The following WDFY2 variants were observed in gnomAD, a reference collection of about 807,000 sequenced individuals.
The protein encoded by WDFY2 is WD repeat and FYVE domain-containing protein 2.
In WDFY2, 36 loss-of-function variants were observed where a neutral mutation model predicts 56.4. The observed-to-expected ratio is 0.64, with a 90% CI of 0.49 to 0.84. WDFY2 has a LOEUF of 0.84. Among genes scored for constraint, WDFY2 ranks in the 40% least tolerant of loss-of-function variants. The pLI, the probability that WDFY2 is intolerant of heterozygous loss-of-function variation, is 0.00. For synonymous variants in WDFY2, 176 were observed against 183.7 expected, an observed-to-expected ratio of 0.96 and a Z score of 0.34; for missense variants, 444 against 512.2, an observed-to-expected ratio of 0.87 and a Z score of 1.29.
intron 3 of WDFY2, among the ~76,000 whole-genome samples, chr13:51,688,957 C>T (rs936965148): frequency 1.3e-5 from 2 of 152,084 alleles, no homozygotes; most frequent in Non-Finnish European, 2.9e-5. Context: ...TGAAGGGTGG[C>T]GGGGACACAA....
intron 1 of WDFY2, chr13:51,588,952 T>G (rs1190396179): frequency 1.3e-5 from 2 of 152,170 alleles, no homozygotes; most frequent in African/African-American, 4.8e-5. Context: ...AGAAAGTTAC[T>G]GGGGAGGGCG....
intron 2 of WDFY2, among the ~76,000 whole-genome samples, chr13:51,663,859 A>G (rs530742200): frequency 2.0e-5 from 3 of 152,250 alleles, no homozygotes; most frequent in Admixed American, 6.5e-5. Flanking sequence ...ACCATATTTT[A>G]TGTTTATTCT....
chr13:51,626,545 G>A (rs1954838625), intron 1 of WDFY2, among the ~76,000 whole-genome samples: 1 of 152,030 alleles, frequency 6.6e-6, no homozygotes, highest in Admixed American at 6.5e-5. Flanking sequence ...TGATTAACAG[G>A]TATTTATAGT....
intron 2 of WDFY2, among the ~76,000 whole-genome samples, chr13:51,674,569 G>C (rs1955856268): frequency 6.6e-6 from 1 of 152,006 alleles, no homozygotes; most frequent in Admixed American, 6.6e-5. Flanking sequence ...TGATGAGTTG[G>C]TTCTTTTTTA....
At chr13:51,747,646 C>T (rs1461219393) in intron 7 of WDFY2, among the ~76,000 whole-genome samples, 5 of 152,238 alleles carry the variant, frequency 3.3e-5, no homozygotes, top group Non-Finnish European at 7.3e-5. Flanking sequence ...ATCCTCTGAT[C>T]TCAGCCTCCC....
intron 1 of WDFY2, among the ~76,000 whole-genome samples, chr13:51,652,265 T>A (rs909285181): frequency 3.0e-4 from 45 of 152,334 alleles, no homozygotes; most frequent in Admixed American, 9.1e-4. Context: ...TGGTAGATCT[T>A]CCTCCATCCC....
At chr13:51,741,671 G>A (rs1327096958) in intron 7 of WDFY2, among the ~76,000 whole-genome samples, 1 of 152,226 alleles carries the variant, frequency 6.6e-6, no homozygotes, top group Non-Finnish European at 1.5e-5. Context: ...AATATTTTGT[G>A]AAAGAGCTTT....
At chr13:51,752,378 A>C (rs1294886886) in intron 8 of WDFY2, among the ~76,000 whole-genome samples, 3 of 152,222 alleles carry the variant, frequency 2.0e-5, no homozygotes, top group Non-Finnish European at 4.4e-5. Context: ...TATATTTGGC[A>C]CCATTAATAC....
intron 3 of WDFY2, among the ~76,000 whole-genome samples, chr13:51,685,491 G>A (rs1214680927): frequency 1.3e-5 from 2 of 152,024 alleles, no homozygotes; most frequent in Non-Finnish European, 2.9e-5. Context: ...CACATACTTT[G>A]TATGTTATAT....
intron 1 of WDFY2, among the ~76,000 whole-genome samples, chr13:51,627,190 A>G (rs762636880): frequency 8.5e-5 from 13 of 152,152 alleles, no homozygotes; most frequent in African/African-American, 1.9e-4. Flanking sequence ...CAGAGCCCCA[A>G]AGAGAGTGTC....
intron 2 of WDFY2, among the ~76,000 whole-genome samples, chr13:51,674,705 C>T (rs1239821877): frequency 2.6e-5 from 4 of 152,118 alleles, no homozygotes; most frequent in African/African-American, 9.7e-5. Context: ...AAATAGACTT[C>T]TAGACTCCTG....
intron 3 of WDFY2, among the ~76,000 whole-genome samples, chr13:51,695,256 C>G (rs1253961100): frequency 3.3e-5 from 5 of 152,206 alleles, no homozygotes; most frequent in Non-Finnish European, 5.9e-5. Flanking sequence ...AGGAGAGGCG[C>G]TCTGCTTTTT....
rs187466815 is a variant in WDFY2, at chr13:51,658,966, G to A, written c.138-1630G>A. Among the ~76,000 whole-genome samples, 760 of 151,514 alleles carry A rather than the reference G, an allele frequency of 5.0e-3. 5 individuals carry two copies. The highest frequency in any genetic ancestry group is 0.014 in the African/African-American group (596 of 41,236). ...TTTTGAGACAGAGTCTTGCTCTGTC[G>A]CCCAGGCAGGAGTGTAATGGCGCCA... On this transcript the variant is annotated intron_variant, in intron 1 of 11. Coordinates refer to ENST00000298125, the MANE Select transcript of WDFY2 (RefSeq NM_052950.4).
chr13:51,585,138 AAG>A (rs2138272897), intron 1 of WDFY2, among the ~76,000 whole-genome samples: 1 of 152,274 alleles, frequency 6.6e-6, no homozygotes, highest in African/African-American at 2.4e-5. Flanking sequence ...ACAGGAGGGA[AAG>A]AGGGGAGGAG....
In WDFY2 at chr13:51,730,273, G is replaced by A. The variant is rs1186700311; in HGVS notation, c.598+2483G>A. Among the ~76,000 whole-genome samples the A allele has an allele frequency of 3.3e-5, 5 of 152,270 alleles. No individual in the cohort carries two copies. In the East Asian group the frequency reaches 5.8e-4, roughly 18 times the overall value. ...TTACGCCACTGAAACTGCTGTCCCC[G>A]AGGTGACCAGTGGCCTGCTGGGACA... is the stretch of plus-strand genomic sequence containing the variant. On this transcript the variant is annotated intron_variant, in intron 6 of 11. Coordinates refer to ENST00000298125, the MANE Select transcript of WDFY2 (RefSeq NM_052950.4).
intron 2 of WDFY2, among the ~76,000 whole-genome samples, chr13:51,671,681 G>A (rs1237284332): frequency 1.3e-5 from 2 of 150,994 alleles, no homozygotes; most frequent in Non-Finnish European, 3.0e-5. Context: ...CACTCTTTGG[G>A]TTGTCTGTTT....
chr13:51,637,981 C>T (rs771556909), intron 1 of WDFY2, among the ~76,000 whole-genome samples: 19 of 152,160 alleles, frequency 1.2e-4, no homozygotes, highest in African/African-American at 2.9e-4. Context: ...TAACTTTCTG[C>T]GAATGCAGCC....
rs1166045650 is a variant in WDFY2 at position 51,762,910 on chromosome 13, A to G, written c.*3141A>G. 6.6e-6 allele frequency: 1 copy of G among 152,232 alleles called. No homozygotes were observed. Among genetic ancestry groups the G allele is most frequent in the Admixed American group, 6.5e-5 (1 of 15,282 alleles). 9.4% of individuals were successfully genotyped at this position (152,232 alleles called of 1,614,324 possible). Reference sequence around the variant, plus strand: ...TCCTCCAAACGAATGACATTACTTGACATTACTGCCTGAGTGTATCTTCAC... The same window carrying G: ...TCCTCCAAACGAATGACATTACTTGGCATTACTGCCTGAGTGTATCTTCAC... On this transcript the variant is annotated 3_prime_UTR_variant, in exon 12 of 12. Coordinates refer to ENST00000298125, the MANE Select transcript of WDFY2 (RefSeq NM_052950.4).
chr13:51,612,749 C>T (rs920014117), intron 1 of WDFY2, among the ~76,000 whole-genome samples: 2 of 152,182 alleles, frequency 1.3e-5, no homozygotes, highest in African/African-American at 4.8e-5. Context: ...ATGTTCTGTG[C>T]ATTGTCCTTC....
Sources: allele counts gnomAD v4.1 joint callset (sites outside exome capture counted in the v4.1 genomes callset), GRCh38; gene constraint gnomAD v4.1.1; transcripts MANE v1.5; gene names NCBI Gene and HGNC (gene_info 2026-07-23, HGNC 2026-07-21).